The following DST variants were observed in gnomAD, a reference collection of about 807,000 sequenced individuals.
DST encodes dystonin.
DST carries 253 observed loss-of-function variants against 875.2 expected under a neutral mutation model. That is an observed-to-expected ratio of 0.29 (90% CI 0.26 to 0.32). The LOEUF is 0.32. Ranked by LOEUF, DST falls within the 10% of genes least tolerant of loss-of-function variation. The probability of loss-of-function intolerance (pLI) is 1.00; values close to 1 mark genes in which losing one functional copy is unlikely to be tolerated. For missense variants in DST, 8,287 were observed against 9,111.6 expected, an observed-to-expected ratio of 0.91 and a Z score of 3.68; for synonymous variants, 3,124 against 3,197.1, an observed-to-expected ratio of 0.98 and a Z score of 0.77.
intron 3 of DST, among the ~76,000 whole-genome samples, chr6:56,875,587 A>G (rs1779299608): frequency 6.6e-6 from 1 of 152,216 alleles, no homozygotes; most frequent in Non-Finnish European, 1.5e-5. Context: ...ACATGTATTT[A>G]GGTCCCAGTG....
At chr6:56,494,269 A>C in intron 82 of DST, 89 bp from the exon 83 acceptor site, 1 of 1,234,632 alleles carries the variant, frequency 8.1e-7, no homozygotes, top group Non-Finnish European at 1.1e-6. Context: ...CAAGCTCCTC[A>C]TCATATATTC....
At chr6:56,777,409 A>G (rs2099681314) in intron 4 of DST, among the ~76,000 whole-genome samples, 1 of 152,090 alleles carries the variant, frequency 6.6e-6, no homozygotes, top group Non-Finnish European at 1.5e-5. Flanking sequence ...TCCAAACACT[A>G]AGTCCCATAA....
At chr6:56,950,067 A>T (rs1043109662) in intron 2 of DST, among the ~76,000 whole-genome samples, 11 of 152,314 alleles carry the variant, frequency 7.2e-5, no homozygotes, top group African/African-American at 2.6e-4. Context: ...TGGGCATATT[A>T]TTCTCTGGGC....
chr6:56,866,287 C>G (rs1468723047), intron 3 of DST, among the ~76,000 whole-genome samples: 1 of 152,216 alleles, frequency 6.6e-6, no homozygotes, highest in African/African-American at 2.4e-5. Flanking sequence ...CATGAGCCAC[C>G]ATGCCCAGCC....
chr6:56,851,564 G>A lies in DST; in HGVS notation c.458C>T (p.Ser153Phe). Residue 153 changes from serine (S) to phenylalanine (F), a missense_variant, in exon 4 of 104, where the codon TCT (serine) becomes TTT (phenylalanine). This residue lies in a region of DST where 1,160 missense variants were observed against 1,424.3 expected (regional missense o/e 0.81). Transcript: ENST00000680361. The part of the protein sequence containing the change: ...NASYRCSMSS[S>F]ADFSDEDDFS... ...ATCATCCTCATCGGAAAAATCCGCAGAGGAAGACATAGAGCAGCGATAGGA... is the reference window on the plus strand; with the variant it reads ...ATCATCCTCATCGGAAAAATCCGCAAAGGAAGACATAGAGCAGCGATAGGA... 1 of 1,614,020 alleles carries A rather than the reference G, an allele frequency of 6.2e-7. No homozygotes were observed. The highest frequency in any genetic ancestry group is 8.5e-7 in the Non-Finnish European group (1 of 1,179,894).
intron 2 of DST, among the ~76,000 whole-genome samples, chr6:56,922,099 ATC>A (rs1215093598): frequency 5.9e-5 from 9 of 152,080 alleles, no homozygotes; most frequent in African/African-American, 1.9e-4. Context: ...GACTATTAAA[ATC>A]TCTGTTTTCC....
intron 2 of DST, among the ~76,000 whole-genome samples, chr6:56,924,521 T>C (rs1592557727): frequency 6.6e-6 from 1 of 152,224 alleles, no homozygotes; most frequent in Non-Finnish European, 1.5e-5. Flanking sequence ...AGGTTTAATA[T>C]GCTTAAACAA....
chr6:56,938,750 C>T (rs1814621643), intron 2 of DST, among the ~76,000 whole-genome samples: 1 of 152,190 alleles, frequency 6.6e-6, no homozygotes, highest in African/African-American at 2.4e-5. Flanking sequence ...TCATGCACTT[C>T]CACTCTTGCT....
intron 4 of DST, among the ~76,000 whole-genome samples, chr6:56,755,386 A>G (rs1305089993): frequency 6.6e-6 from 1 of 152,214 alleles, no homozygotes; most frequent in African/African-American, 2.4e-5. Flanking sequence ...AATGAGCATA[A>G]TGTGAGACAA....
At position 56,460,170 on chromosome 6, in the gene DST, T is replaced by A; in HGVS notation, c.23155A>T (p.Ile7719Leu). ...CGGACTCTGGCAGCTGCAGTTGTTA[T>A]CAAGCCACTGTCCTCCCCAGAGTGG... ...GFHSGEDSGL[I>L]TTAAARVRTQ... The change falls in exon 103 of 104, where the codon ATA (isoleucine) becomes TTA (leucine). Residue 7719 changes from isoleucine to leucine, a missense_variant. Physicochemically the swap from Ile to Leu is conservative, Grantham distance 5. Around this residue, in one of 10 missense-constraint regions of DST, gnomAD observed 240 missense variants for 237.3 expected, o/e 1.01. Transcript: ENST00000680361. 6.2e-7 allele frequency: 1 copy of A among 1,613,908 alleles called. No homozygotes were observed. Among genetic ancestry groups the A allele is most frequent in the Non-Finnish European group, 8.5e-7 (1 of 1,179,814 alleles).
rs766814683 is a variant in DST at position 56,608,337 on chromosome 6, G to C, written c.6291C>G (p.Ala2097=). Reference sequence around the variant, plus strand: ...TTTGTCTGCCATTCAGGATTTTGTAGGCCAATTCATTTGTAATCAATTCTT... The same window carrying C: ...TTTGTCTGCCATTCAGGATTTTGTACGCCAATTCATTTGTAATCAATTCTT... ...LQQELITNEL[A]YKILNGRQKI... Residue 2097 remains alanine (A), a synonymous_variant, in exon 40 of 104, where the codon GCC becomes GCG. Transcript: ENST00000680361. 5 of 1,612,548 alleles carry C rather than the reference G, an allele frequency of 3.1e-6. No homozygotes were observed. Among genetic ancestry groups the C allele is most frequent in the East Asian group, 2.2e-5 (1 of 44,894 alleles).
chr6:56,923,772 C>T (rs544793151), intron 2 of DST, among the ~76,000 whole-genome samples: 2 of 152,324 alleles, frequency 1.3e-5, no homozygotes, highest in South Asian at 2.1e-4. Context: ...GGCCCACCCA[C>T]ATTATGGAAG....
chr6:56,722,037 A>G (rs1380357049), intron 5 of DST, among the ~76,000 whole-genome samples: 1 of 152,196 alleles, frequency 6.6e-6, no homozygotes, highest in Non-Finnish European at 1.5e-5. Context: ...TATAATTTTC[A>G]TATGGTACAA....
chr6:56,830,773 T>C (rs2099786011), intron 4 of DST, among the ~76,000 whole-genome samples: 2 of 152,242 alleles, frequency 1.3e-5, no homozygotes, highest in Non-Finnish European at 2.9e-5. Flanking sequence ...TCTTCCTAAC[T>C]ATGGACTGTA....
intron 50 of DST, among the ~76,000 whole-genome samples, chr6:56,576,910 C>A (rs2097875508): frequency 6.6e-6 from 1 of 152,112 alleles, no homozygotes; most frequent in African/African-American, 2.4e-5. Flanking sequence ...AGCTACCCAG[C>A]CGATGCTATT....
chr6:56,792,877 A>G (rs1465483690), intron 4 of DST, among the ~76,000 whole-genome samples: 7 of 151,882 alleles, frequency 4.6e-5, no homozygotes, highest in Admixed American at 3.9e-4. Context: ...AGACCAGCCT[A>G]GACAACATGG....
At chr6:56,824,998 T>C (rs2099778350) in intron 4 of DST, among the ~76,000 whole-genome samples, 1 of 152,178 alleles carries the variant, frequency 6.6e-6, no homozygotes, top group South Asian at 2.1e-4. Context: ...CTGGGAGGTG[T>C]ACCCAACAGC....
In DST at chr6:56,608,471, A is replaced by T. The variant is rs745793190; in HGVS notation, c.6157T>A (p.Leu2053Ile). The change falls in exon 40 of 104, where the codon TTA (leucine) becomes ATA (isoleucine). Residue 2053 changes from leucine to isoleucine, a missense_variant. By Grantham distance (5) the Leu-to-Ile change is conservative (BLOSUM62 2). Coordinates refer to ENST00000680361, the MANE Select transcript of DST (RefSeq NM_001374736.1). ...LTVDEAVQCD[L>I]ITSSSALLVL... Reference sequence around the variant, plus strand: ...AGAAGAGCACTGCTGGAAGTTATTAAATCACACTGTACTGCTTCGTCTACA... The same window carrying T: ...AGAAGAGCACTGCTGGAAGTTATTATATCACACTGTACTGCTTCGTCTACA... 6.2e-7 allele frequency: 1 copy of T among 1,613,716 alleles called. No homozygotes were observed. Among genetic ancestry groups the T allele is most frequent in the Non-Finnish European group, 8.5e-7 (1 of 1,179,776 alleles).
At chr6:56,878,460 C>T (rs1562265454) in intron 3 of DST, among the ~76,000 whole-genome samples, 1 of 152,186 alleles carries the variant, frequency 6.6e-6, no homozygotes, top group East Asian at 1.9e-4. Flanking sequence ...CTGTCATGGA[C>T]CCAGGGACAG....
Sources: gnomAD v4.1 joint callset for allele counts (sites outside exome capture counted in the v4.1 genomes callset) on GRCh38, gnomAD v4.1.1 for gene constraint, gnomAD v4.1.1 regional missense constraint, MANE v1.5 for transcripts, NCBI Gene and HGNC (gene_info 2026-07-23, HGNC 2026-07-21) for gene names.